The following PLAG1 variants were observed in gnomAD, a reference collection of about 807,000 sequenced individuals.
PLAG1 encodes zinc finger protein PLAG1.
Under a neutral mutation model 35.5 loss-of-function variants are expected in PLAG1, and 7 were observed. The ratio of observed to expected loss-of-function variants is 0.20; its 90% CI spans 0.11 to 0.37. The LOEUF is 0.37. Among genes scored for constraint, PLAG1 ranks in the 10% least tolerant of loss-of-function variants. The pLI, the probability that PLAG1 is intolerant of heterozygous loss-of-function variation, is 1.00. For synonymous variants in PLAG1, 229 were observed against 225.4 expected, an observed-to-expected ratio of 1.02 and a Z score of -0.14; for missense variants, 454 against 602.8, an observed-to-expected ratio of 0.75 and a Z score of 2.58.
At chr8:56,169,823 C>T (rs1269942054) in intron 3 of PLAG1, among the ~76,000 whole-genome samples, 1 of 152,206 alleles carries the variant, frequency 6.6e-6, no homozygotes, top group African/African-American at 2.4e-5. Flanking sequence ...GGATTATAGG[C>T]GTGAGCCGCC....
chr8:56,211,036 C>T (rs2129237782), intron 1 of PLAG1, 85 bp downstream of exon 1: 1 of 152,936 alleles, frequency 6.5e-6, no homozygotes, highest in East Asian at 1.9e-4. Context: ...TCCTCTGCCC[C>T]CTCGGCTAGT....
chr8:56,169,029 CA>C lies in PLAG1; in HGVS notation c.-117-644del, dbSNP rs577415590. ...AAATGATTCATCTTCCTAACAAATA[CA>C]AATTCTTCAAATAGTAAAACCTTTT... On this transcript the variant is annotated intron_variant, in intron 3 of 4. Transcript: ENST00000316981. Among the ~76,000 whole-genome samples, 205 of 152,312 alleles carry C rather than the reference CA, an allele frequency of 1.3e-3. 1 individual carries two copies. The highest frequency in any genetic ancestry group is 4.6e-3 in the African/African-American group (190 of 41,562).
At chr8:56,202,302 C>T (rs991328501) in intron 1 of PLAG1, among the ~76,000 whole-genome samples, 1 of 152,122 alleles carries the variant, frequency 6.6e-6, no homozygotes, top group Non-Finnish European at 1.5e-5. Flanking sequence ...AATACATATG[C>T]TCATTTTCCA....
At chr8:56,208,640 G>A (rs1045344265) in intron 1 of PLAG1, among the ~76,000 whole-genome samples, 3 of 151,914 alleles carry the variant, frequency 2.0e-5, no homozygotes, top group African/African-American at 7.3e-5. Context: ...AAAAACAAGA[G>A]GAAATAAGGA....
At chr8:56,206,095 TAAC>T (rs1812693629) in intron 1 of PLAG1, among the ~76,000 whole-genome samples, 1 of 152,010 alleles carries the variant, frequency 6.6e-6, no homozygotes, top group African/African-American at 2.4e-5. Context: ...GCAAAATTCT[TAAC>T]AACAAACACC....
At chr8:56,210,401 C>A (rs924101890) in intron 1 of PLAG1, among the ~76,000 whole-genome samples, 1 of 150,774 alleles carries the variant, frequency 6.6e-6, no homozygotes, top group African/African-American at 2.4e-5. Flanking sequence ...AGCACCCCCT[C>A]CCCCTACCCC....
intron 1 of PLAG1, among the ~76,000 whole-genome samples, chr8:56,210,513 C>A (rs906551537): frequency 6.6e-6 from 1 of 151,858 alleles, no homozygotes; most frequent in Admixed American, 6.6e-5. Context: ...TTCATTTCTC[C>A]AGAAAAGAAA....
At chr8:56,210,090 G>A (rs1812821765) in intron 1 of PLAG1, among the ~76,000 whole-genome samples, 2 of 151,840 alleles carry the variant, frequency 1.3e-5, no homozygotes, top group South Asian at 4.2e-4. Context: ...TCTTGCATCG[G>A]ATTTTCACGT....
rs557587024 is a variant in PLAG1, at chr8:56,199,687, C to A, written c.-322+11434G>T. Among the ~76,000 whole-genome samples, 3 of 152,122 alleles carry A rather than the reference C, an allele frequency of 2.0e-5. No individual in the cohort carries two copies. In the East Asian group the frequency reaches 5.8e-4, roughly 30 times the overall value. The stretch of plus-strand genomic sequence containing the variant: ...CAGCCCTGGGGCCCAGCCTCCCCAG[C>A]TAGACCAACCCTTCCTGGCACTAGG... On this transcript the variant is annotated intron_variant, in intron 1 of 4. Coordinates refer to ENST00000316981, the MANE Select transcript of PLAG1 (RefSeq NM_002655.3).
intron 1 of PLAG1, among the ~76,000 whole-genome samples, chr8:56,199,486 G>C (rs1812485310): frequency 6.6e-6 from 1 of 152,196 alleles, no homozygotes; most frequent in African/African-American, 2.4e-5. Flanking sequence ...AAGGTACTTA[G>C]GGAAGGGGGA....
chr8:56,176,350 A>G (rs982960087), intron 2 of PLAG1, among the ~76,000 whole-genome samples: 1 of 143,364 alleles, frequency 7.0e-6, no homozygotes, highest in African/African-American at 2.6e-5. Flanking sequence ...ACCATGCCCA[A>G]CTGAAAGCTC....
intron 1 of PLAG1, among the ~76,000 whole-genome samples, chr8:56,180,448 C>T (rs189181183): frequency 7.9e-5 from 12 of 152,262 alleles, no homozygotes; most frequent in Admixed American, 4.6e-4. Context: ...TACCTTTTGT[C>T]GTGGAGAAGC....
At chr8:56,176,602 T>C (rs1324361168) in intron 2 of PLAG1, among the ~76,000 whole-genome samples, 1 of 151,994 alleles carries the variant, frequency 6.6e-6, no homozygotes, top group Non-Finnish European at 1.5e-5. Context: ...AGAAGGACAA[T>C]TATATCTGAA....
chr8:56,169,673 C>G (rs1811461951), intron 3 of PLAG1, among the ~76,000 whole-genome samples: 1 of 152,140 alleles, frequency 6.6e-6, no homozygotes, highest in South Asian at 2.1e-4. Flanking sequence ...TCCCGAGTAG[C>G]TGGGACTGCA....
At position 56,199,005 on chromosome 8, in the gene PLAG1, A is replaced by G. The variant is rs147008541; in HGVS notation, c.-322+12116T>C. 3.1e-3 allele frequency among the ~76,000 whole-genome samples: 479 copies of G among 152,340 alleles called. 2 individuals carry two copies. Among genetic ancestry groups the G allele is most frequent in the African/African-American group, 0.01 (417 of 41,584 alleles). On this transcript the variant is annotated intron_variant, in intron 1 of 4. Coordinates refer to ENST00000316981, the MANE Select transcript of PLAG1 (RefSeq NM_002655.3). The stretch of plus-strand genomic sequence containing the variant: ...GATGTGGAGATGTTAGTGTAAACAG[A>G]AAAGAGACATGGAGGCCCTAGAGAG...
intron 1 of PLAG1, among the ~76,000 whole-genome samples, chr8:56,182,026 T>G (rs1448060352): frequency 2.0e-5 from 3 of 152,244 alleles, no homozygotes; most frequent in African/African-American, 7.2e-5. Context: ...GATGACCTTC[T>G]GGCTACCGTG....
chr8:56,194,174 G>A (rs562432692), intron 1 of PLAG1, among the ~76,000 whole-genome samples: 1 of 152,096 alleles, frequency 6.6e-6, no homozygotes, highest in East Asian at 1.9e-4. Context: ...AAAATGTGCT[G>A]GGTATGGTGG....
chr8:56,193,225 G>A (rs1187353548), intron 1 of PLAG1, among the ~76,000 whole-genome samples: 1 of 152,166 alleles, frequency 6.6e-6, no homozygotes, highest in Non-Finnish European at 1.5e-5. Context: ...CTGCAGGAGA[G>A]GCAATGGGTA....
chr8:56,170,558 T>A (rs34230678), intron 3 of PLAG1, among the ~76,000 whole-genome samples: 1 of 152,164 alleles, frequency 6.6e-6, no homozygotes, highest in African/African-American at 2.4e-5. Context: ...AAATTGAACA[T>A]TTCCCAATTG....
Sources: allele counts gnomAD v4.1 joint callset (sites outside exome capture counted in the v4.1 genomes callset), GRCh38; gene constraint gnomAD v4.1.1; transcripts MANE v1.5; gene names NCBI Gene and HGNC (gene_info 2026-07-23, HGNC 2026-07-21).